The following TRPM8 variants were observed in gnomAD, a reference collection of about 807,000 sequenced individuals.
TRPM8 encodes the protein TRPM8 cationic channel.
TRPM8 carries 110 observed loss-of-function variants against 133.7 expected under a neutral mutation model. The observed-to-expected ratio is 0.82, with a 90% CI of 0.70 to 0.96. TRPM8 has a LOEUF of 0.96. Ranked by LOEUF, TRPM8 falls within the 40% of genes least tolerant of loss-of-function variation. The probability of loss-of-function intolerance (pLI) is 0.00; values close to 1 mark genes in which losing one functional copy is unlikely to be tolerated. For missense variants in TRPM8, 1,291 were observed against 1,379.5 expected (o/e 0.94, Z 1.02); for synonymous variants, 535 against 532.3 (o/e 1.01, Z -0.07).
Position 233,937,588 on chromosome 2 carries a change from C to T in TRPM8, c.348+79C>T, listed in dbSNP as rs1574701296. ...GCTACCTTGATTTACTTGGAATTGT[C>T]TAATAGGATGGAGGCAGGAGAGATG... On this transcript the variant is annotated intron_variant, in intron 4 of 25. Transcript: ENST00000324695. The T allele has an allele frequency of 5.4e-6, 8 of 1,494,410 alleles. No homozygotes were observed. In the East Asian group the frequency reaches 1.6e-4, roughly 30 times the overall value. 92.6% of individuals were successfully genotyped at this position (1,494,410 alleles called of 1,614,324 possible).
intron 8 of TRPM8, among the ~76,000 whole-genome samples, chr2:233,949,274 C>T (rs954417895): frequency 2.0e-5 from 3 of 152,138 alleles, no homozygotes; most frequent in African/African-American, 7.2e-5. Context: ...AAAACAAGTG[C>T]TTTTCAATTT....
chr2:234,004,760 C>A (rs181702098), intron 22 of TRPM8, among the ~76,000 whole-genome samples: 1 of 152,290 alleles, frequency 6.6e-6, no homozygotes, highest in Admixed American at 6.5e-5. Flanking sequence ...GCACATGTAA[C>A]CCACCATCCA....
In TRPM8 at chr2:233,988,502, T is replaced by A. The variant is rs1241394323; in HGVS notation, c.2939+2637T>A. On this transcript the variant is annotated intron_variant, in intron 21 of 25. Transcript: ENST00000324695. ...TTATTCAATGAATGAAAAAAATGGG[T>A]TCTTACCCATGTTTAGTTCATTATT... Among the ~76,000 whole-genome samples the A allele has an allele frequency of 2.0e-5, 3 of 152,128 alleles. No individual in the cohort carries two copies. The East Asian group carries it at 5.8e-4, about 29-fold the overall frequency.
intron 21 of TRPM8, among the ~76,000 whole-genome samples, chr2:233,993,731 G>A (rs1692338234): frequency 6.6e-6 from 1 of 152,224 alleles, no homozygotes; most frequent in South Asian, 2.1e-4. Flanking sequence ...TCCACTCTGA[G>A]CTCTCTGAGG....
In TRPM8 at chr2:233,942,624, T is replaced by C. The variant is rs765214802; in HGVS notation, c.575T>C (p.Ile192Thr). ...ACCCATTATGGCCTGATGAAGTACATCGGGGAGGTGGTGAGAGATAACACC... is the reference window on the plus strand; with the variant it reads ...ACCCATTATGGCCTGATGAAGTACACCGGGGAGGTGGTGAGAGATAACACC... Reference protein sequence around the residue: ...GGTHYGLMKYIGEVVRDNTIS... With the variant: ...GGTHYGLMKYTGEVVRDNTIS... Residue 192 changes from isoleucine (I) to threonine (T), a missense_variant, in exon 6 of 26, where the codon ATC becomes ACC. Physicochemically the swap from Ile to Thr is moderately conservative, Grantham distance 89. Coordinates refer to ENST00000324695, the MANE Select transcript of TRPM8 (RefSeq NM_024080.5). 5.6e-6 allele frequency: 9 copies of C among 1,614,020 alleles called. No individual in the cohort carries two copies. In the African/African-American group the frequency reaches 1.1e-4, roughly 19 times the overall value.
intron 19 of TRPM8, among the ~76,000 whole-genome samples, chr2:233,982,630 T>G (rs1031097441): frequency 1.1e-4 from 17 of 152,206 alleles, no homozygotes; most frequent in Non-Finnish European, 2.1e-4. Context: ...TCCATTCTTG[T>G]CTAATAAGGA....
Position 233,996,530 on chromosome 2 carries a change from C to A in TRPM8, c.3130+14C>A. 2.5e-6 allele frequency: 4 copies of A among 1,612,706 alleles called. No individual in the cohort carries two copies. Among genetic ancestry groups the A allele is most frequent in the Non-Finnish European group, 3.4e-6 (4 of 1,178,776 alleles). Reference sequence around the variant, plus strand: ...CTTCTGTCTGCTGTGAGTGGTTTATCCATGTGTACTTGGGATCAGAAGCAG... The same window carrying A: ...CTTCTGTCTGCTGTGAGTGGTTTATACATGTGTACTTGGGATCAGAAGCAG... On this transcript the variant is annotated intron_variant, in intron 22 of 25. Transcript: ENST00000324695.
chr2:233,979,888 A>G (rs1253847639), intron 17 of TRPM8, among the ~76,000 whole-genome samples: 7 of 152,184 alleles, frequency 4.6e-5, no homozygotes, highest in African/African-American at 9.7e-5. Flanking sequence ...ACATCTGCCT[A>G]CGGAGGGTGT....
intron 21 of TRPM8, among the ~76,000 whole-genome samples, chr2:233,995,561 G>GT (rs1453701303): frequency 6.6e-6 from 1 of 152,142 alleles, no homozygotes; most frequent in Non-Finnish European, 1.5e-5. Flanking sequence ...AAACCGTATT[G>GT]TAAGTACAAG....
chr2:233,988,456 A>C (rs1692201086), intron 21 of TRPM8, among the ~76,000 whole-genome samples: 1 of 152,116 alleles, frequency 6.6e-6, no homozygotes, highest in South Asian at 2.1e-4. Context: ...CCGCCATCTC[A>C]GCACCTGTCA....
At chr2:233,955,517 G>A in intron 11 of TRPM8, 3 of 264,932 alleles carry the variant, frequency 1.1e-5, no homozygotes, top group East Asian at 8.9e-5. Context: ...CAAAGTGAGG[G>A]TGATTCTCCA....
intron 12 of TRPM8, among the ~76,000 whole-genome samples, chr2:233,962,562 T>C (rs1322799268): frequency 6.6e-6 from 1 of 152,228 alleles, no homozygotes; most frequent in African/African-American, 2.4e-5. Flanking sequence ...TTTGTAATTA[T>C]GGAATTTTTA....
At chr2:233,932,799 C>G (rs1355957801) in intron 3 of TRPM8, among the ~76,000 whole-genome samples, 1 of 151,684 alleles carries the variant, frequency 6.6e-6, no homozygotes, top group African/African-American at 2.4e-5. Context: ...ATTTCTCTCT[C>G]TCCACAGGTA....
chr2:233,983,477 T>C (rs1692065916), intron 20 of TRPM8: 2 of 488,438 alleles, frequency 4.1e-6, no homozygotes, highest in Non-Finnish European at 7.8e-6. Context: ...TATTTTCAAT[T>C]AACAATGTGG....
intron 17 of TRPM8, among the ~76,000 whole-genome samples, chr2:233,973,899 G>A (rs901328444): frequency 6.6e-6 from 1 of 152,252 alleles, no homozygotes; most frequent in Non-Finnish European, 1.5e-5. Context: ...GAGCCACGGT[G>A]CGGGAGCTCA....
At chr2:233,947,348 T>G in intron 8 of TRPM8, 193 bp downstream of exon 8, 1 of 1,538,832 alleles carries the variant, frequency 6.5e-7, no homozygotes, top group Non-Finnish European at 8.8e-7. Flanking sequence ...GGGAGGAGAA[T>G]TTCAGTGACA....
At chr2:233,948,211 T>C (rs1694088588) in intron 8 of TRPM8, among the ~76,000 whole-genome samples, 1 of 152,256 alleles carries the variant, frequency 6.6e-6, no homozygotes, top group African/African-American at 2.4e-5. Flanking sequence ...TAACAATGGC[T>C]GTTTTCTTCA....
rs1252236148 is a variant in TRPM8, at chr2:233,937,469, T to C, written c.308T>C (p.Phe103Ser). The C allele has an allele frequency of 6.2e-7, 1 of 1,614,048 alleles. No individual in the cohort carries two copies. Residue 103 changes from phenylalanine to serine, a missense_variant, in exon 4 of 26, where the codon TTT becomes TCT. Physicochemically the swap from Phe to Ser is radical, Grantham distance 155. Coordinates refer to ENST00000324695, the MANE Select transcript of TRPM8 (RefSeq NM_024080.5). ...KHTKEFPTDA[F>S]GDIQFETLGK... Reference sequence around the variant, plus strand: ...ACCAAGGAATTTCCTACCGACGCCTTTGGGGATATTCAGTTTGAGACACTG... The same window carrying C: ...ACCAAGGAATTTCCTACCGACGCCTCTGGGGATATTCAGTTTGAGACACTG...
intron 5 of TRPM8, among the ~76,000 whole-genome samples, chr2:233,940,578 A>G (rs756423803): frequency 2.0e-5 from 3 of 152,220 alleles, no homozygotes; most frequent in Non-Finnish European, 4.4e-5. Context: ...ATGCAGATGA[A>G]GTGAAGTGAT....
Sources: gnomAD v4.1 joint callset for allele counts (sites outside exome capture counted in the v4.1 genomes callset) on GRCh38, gnomAD v4.1.1 for gene constraint, MANE v1.5 for transcripts, NCBI Gene and HGNC (gene_info 2026-07-23, HGNC 2026-07-21) for gene names.